HECW2: variants seen among roughly 807,000 people sequenced by gnomAD.
HECW2 encodes E3 ubiquitin-protein ligase HECW2.
HECW2 carries 61 observed loss-of-function variants against 175.2 expected under a neutral mutation model. That is an observed-to-expected ratio of 0.35 (90% confidence interval 0.28 to 0.43). The LOEUF (loss-of-function observed/expected upper bound fraction) is 0.43. Ranked by LOEUF, HECW2 falls within the 20% of genes least tolerant of loss-of-function variation. The pLI, the probability that HECW2 is intolerant of heterozygous loss-of-function variation, is 1.00. For synonymous variants in HECW2, 671 were observed against 731.0 expected, an observed-to-expected ratio of 0.92 and a Z score of 1.32; for missense variants, 1,524 against 2,000.5, an observed-to-expected ratio of 0.76 and a Z score of 4.54.
intron 4 of HECW2, among the ~76,000 whole-genome samples, chr2:196,330,763 T>C (rs1185385651): frequency 6.6e-6 from 1 of 151,922 alleles, no homozygotes; most frequent in African/African-American, 2.4e-5. Context: ...CTTGGTAAAT[T>C]TCCATCTGCC....
intron 1 of HECW2, among the ~76,000 whole-genome samples, chr2:196,560,318 G>A (rs1294820277): frequency 1.3e-5 from 2 of 152,164 alleles, no homozygotes; most frequent in East Asian, 1.9e-4. Flanking sequence ...GCTAATTTTT[G>A]TATTTTTAGT....
intron 1 of HECW2, among the ~76,000 whole-genome samples, chr2:196,513,072 T>A (rs1262407092): frequency 6.6e-6 from 1 of 152,198 alleles, no homozygotes; most frequent in Non-Finnish European, 1.5e-5. Flanking sequence ...ATTCCACTAT[T>A]CTTGTCCTTT....
At chr2:196,556,516 G>A (rs1689799811) in intron 1 of HECW2, among the ~76,000 whole-genome samples, 1 of 152,052 alleles carries the variant, frequency 6.6e-6, no homozygotes, top group Non-Finnish European at 1.5e-5. Context: ...CCATTTATAA[G>A]TGAGATTATG....
At chr2:196,556,111 G>C (rs1004509631) in intron 1 of HECW2, among the ~76,000 whole-genome samples, 2 of 151,938 alleles carry the variant, frequency 1.3e-5, no homozygotes, top group South Asian at 2.1e-4. Context: ...AATTTTATTT[G>C]TGCAAATTTA....
At chr2:196,577,521 T>C (rs944841441) in intron 1 of HECW2, among the ~76,000 whole-genome samples, 3 of 152,156 alleles carry the variant, frequency 2.0e-5, no homozygotes, top group South Asian at 4.1e-4. Context: ...GATGTCCATA[T>C]AGGTCTTTGC....
At chr2:196,551,706 C>T (rs1348242004) in intron 1 of HECW2, among the ~76,000 whole-genome samples, 2 of 152,104 alleles carry the variant, frequency 1.3e-5, no homozygotes, top group African/African-American at 4.8e-5. Flanking sequence ...GTAAACATGA[C>T]TATTAATTTC....
At chr2:196,225,903 T>C in intron 22 of HECW2, 33 bp from the exon 23 acceptor site, 1 of 1,357,176 alleles carries the variant, frequency 7.4e-7, no homozygotes, top group Non-Finnish European at 1.1e-6. Flanking sequence ...GGCTTACATG[T>C]CATGGAGCAG....
rs1389491678 is a variant in HECW2 at position 196,319,858 on chromosome 2, C to G, written c.1032G>C (p.Val344=). The G allele has an allele frequency of 1.2e-6, 2 of 1,613,630 alleles. No individual in the cohort carries two copies. The highest frequency in any genetic ancestry group is 1.7e-6 in the Non-Finnish European group (2 of 1,179,620). ...AVGTILGVNS[V]NGDLGSPSDD... ...CGGAAGGGCTACCTAAGTCTCCATTCACAGAATTGACTCCAAGTATTGTGC... is the reference window on the plus strand; with the variant it reads ...CGGAAGGGCTACCTAAGTCTCCATTGACAGAATTGACTCCAAGTATTGTGC... Residue 344 remains valine, a synonymous_variant, in exon 9 of 29, where the codon GTG becomes GTC. Transcript: ENST00000644978.
At chr2:196,422,672 G>A (rs998165047) in intron 2 of HECW2, among the ~76,000 whole-genome samples, 5 of 151,998 alleles carry the variant, frequency 3.3e-5, no homozygotes, top group African/African-American at 9.7e-5. Context: ...ATCTGACTAG[G>A]TGAAAAGAAT....
chr2:196,223,521 AAACTCCAAG>A (rs1218195155), intron 23 of HECW2, among the ~76,000 whole-genome samples: 1 of 152,206 alleles, frequency 6.6e-6, no homozygotes, highest in African/African-American at 2.4e-5. Context: ...TGTGTACAGG[AAACTCCAAG>A]CATATCAGCA....
chr2:196,379,898 CAAAAA>C (rs5837506), intron 2 of HECW2, among the ~76,000 whole-genome samples: 9 of 127,662 alleles, frequency 7.0e-5, no homozygotes, highest in Admixed American at 2.3e-4. Flanking sequence ...TATTCTCCAG[CAAAAA>C]AAAAAAAAAA....
At chr2:196,432,405 T>G (rs1695741822) in intron 2 of HECW2, among the ~76,000 whole-genome samples, 2 of 152,234 alleles carry the variant, frequency 1.3e-5, no homozygotes, top group Non-Finnish European at 2.9e-5. Context: ...TTGGGTTGGA[T>G]TTCAATTTTC....
At chr2:196,382,798 A>G (rs1694245123) in intron 2 of HECW2, among the ~76,000 whole-genome samples, 1 of 144,618 alleles carries the variant, frequency 6.9e-6, no homozygotes, top group South Asian at 2.2e-4. Flanking sequence ...GGGTAGCTCC[A>G]TGATAACCCT....
At chr2:196,364,552 G>A (rs1437842531) in intron 2 of HECW2, among the ~76,000 whole-genome samples, 1 of 152,106 alleles carries the variant, frequency 6.6e-6, no homozygotes, top group African/African-American at 2.4e-5. Flanking sequence ...CCCTTTGTGG[G>A]GAAAGTCCAG....
chr2:196,342,718 G>A (rs147134732), intron 3 of HECW2, among the ~76,000 whole-genome samples: 36 of 152,136 alleles, frequency 2.4e-4, no homozygotes, highest in South Asian at 1.0e-3. Context: ...CTGGTAAGCC[G>A]ACCTCAATGT....
At chr2:196,268,384 G>A (rs1466706656) in intron 17 of HECW2, among the ~76,000 whole-genome samples, 5 of 151,184 alleles carry the variant, frequency 3.3e-5, no homozygotes, top group African/African-American at 7.3e-5. Flanking sequence ...GAAAGATTAT[G>A]CTTAACTGAG....
Position 196,325,121 on chromosome 2 carries a change from C to T in HECW2, c.600G>A (p.Gly200=). 1 of 1,603,170 alleles carries T rather than the reference C, an allele frequency of 6.2e-7. No individual in the cohort carries two copies. The highest frequency in any genetic ancestry group is 8.5e-7 in the Non-Finnish European group (1 of 1,175,926). ...GATAAGGGTCAGGATTGAAGAACAT[C>T]CCTTTCTTTAGCCCAACTGCCCTAA... ...SDLRAVGLKK[G]MFFNPDPYLK... The change falls in exon 6 of 29, where the codon GGG becomes GGA. Residue 200 remains glycine, a synonymous_variant. Transcript: ENST00000644978.
rs144844477 is a variant in HECW2, at chr2:196,275,858, G to A, written c.3136-1735C>T. Among the ~76,000 whole-genome samples the A allele has an allele frequency of 4.6e-3, 707 of 152,240 alleles. 7 individuals carry two copies. Among genetic ancestry groups the A allele is most frequent in the Middle Eastern group, 0.02 (6 of 294 alleles). On this transcript the variant is annotated intron_variant, in intron 15 of 28. Coordinates refer to ENST00000644978, the MANE Select transcript of HECW2 (RefSeq NM_001348768.2). ...GGTGTTTGGTGTTAACTTGTTAGATGGAAAAGACATCAATATTTCTACTGA... is the reference window on the plus strand; with the variant it reads ...GGTGTTTGGTGTTAACTTGTTAGATAGAAAAGACATCAATATTTCTACTGA...
intron 1 of HECW2, among the ~76,000 whole-genome samples, chr2:196,497,113 A>G (rs1242419767): frequency 6.6e-6 from 1 of 152,222 alleles, no homozygotes; most frequent in Non-Finnish European, 1.5e-5. Flanking sequence ...ATTAAAAAGT[A>G]TATCAAATTT....
Sources: allele counts gnomAD v4.1 joint callset (sites outside exome capture counted in the v4.1 genomes callset), GRCh38; gene constraint gnomAD v4.1.1; transcripts MANE v1.5; gene names NCBI Gene and HGNC (gene_info 2026-07-23, HGNC 2026-07-21).